The following SGCD variants were observed in gnomAD, a reference collection of about 807,000 sequenced individuals.
The protein encoded by SGCD is delta-sarcoglycan.
Under a neutral mutation model 36.6 loss-of-function variants are expected in SGCD, and 18 were observed. The observed-to-expected ratio is 0.49, with a 90% CI of 0.34 to 0.73. SGCD has a LOEUF of 0.73. Among genes scored for constraint, SGCD ranks in the 30% least tolerant of loss-of-function variants. The probability of loss-of-function intolerance (pLI) is 0.01; values close to 1 mark genes in which losing one functional copy is unlikely to be tolerated. For missense variants in SGCD, 387 were observed against 346.7 expected (o/e 1.12, Z -0.92); for synonymous variants, 133 against 130.6 (o/e 1.02, Z -0.12).
chr5:156,624,545 C>T (rs965353247), intron 6 of SGCD, among the ~76,000 whole-genome samples: 2 of 152,262 alleles, frequency 1.3e-5, no homozygotes, highest in Admixed American at 6.5e-5. Context: ...TGCGCCACTG[C>T]ACTCCAGCCT....
At chr5:156,472,593 T>G (rs1401813896) in intron 3 of SGCD, among the ~76,000 whole-genome samples, 1 of 152,114 alleles carries the variant, frequency 6.6e-6, no homozygotes, top group Non-Finnish European at 1.5e-5. Flanking sequence ...AATTTTTGTA[T>G]TTTTAGCAGA....
intron 3 of SGCD, among the ~76,000 whole-genome samples, chr5:156,380,926 G>A (rs965049003): frequency 6.6e-6 from 1 of 152,208 alleles, no homozygotes; most frequent in Non-Finnish European, 1.5e-5. Flanking sequence ...CAGGCATTGT[G>A]TGCATGGTGG....
At chr5:156,336,803 T>A (rs936166850) in intron 2 of SGCD, among the ~76,000 whole-genome samples, 2 of 152,264 alleles carry the variant, frequency 1.3e-5, no homozygotes, top group Non-Finnish European at 2.9e-5. Context: ...TTGATTCTTT[T>A]AAATATATGC....
At chr5:156,692,860 T>A (rs1178111646) in intron 7 of SGCD, among the ~76,000 whole-genome samples, 2 of 152,220 alleles carry the variant, frequency 1.3e-5, no homozygotes, top group East Asian at 3.8e-4. Flanking sequence ...ATGTACAAGT[T>A]TGTAGACAAA....
At chr5:156,050,616 G>T (rs1475583523) in intron 1 of SGCD, among the ~76,000 whole-genome samples, 1 of 146,366 alleles carries the variant, frequency 6.8e-6, no homozygotes, top group Admixed American at 6.8e-5. Flanking sequence ...TATGGCTGCT[G>T]TGGTAAAGCA....
intron 1 of SGCD, among the ~76,000 whole-genome samples, chr5:155,913,182 C>T (rs147505284): frequency 0.012 from 1,768 of 152,198 alleles, 34 homozygotes; most frequent in African/African-American, 0.039. Context: ...TGAACAGAAA[C>T]AAGGATGGTG....
At chr5:156,217,737 G>A (rs1764610004) in intron 3 of SGCD, among the ~76,000 whole-genome samples, 1 of 151,914 alleles carries the variant, frequency 6.6e-6, no homozygotes, top group African/African-American at 2.4e-5. Flanking sequence ...TAAAAATACA[G>A]ATATTAGTAT....
chr5:155,747,369 T>C, the SGCD span, among the ~76,000 whole-genome samples: 1 of 152,318 alleles, frequency 6.6e-6, no homozygotes, highest in Non-Finnish European at 1.5e-5. Flanking sequence ...CTGGAATTGA[T>C]TGACTTTCAG....
chr5:156,701,368 T>C (rs1754523269), intron 7 of SGCD, among the ~76,000 whole-genome samples: 2 of 152,216 alleles, frequency 1.3e-5, no homozygotes, highest in South Asian at 4.1e-4. Flanking sequence ...TTGAAAATAA[T>C]ATCCAGCATC....
At chr5:156,039,689 A>G (rs1322851015) in intron 1 of SGCD, among the ~76,000 whole-genome samples, 1 of 152,198 alleles carries the variant, frequency 6.6e-6, no homozygotes, top group Non-Finnish European at 1.5e-5. Flanking sequence ...CTCATTTCTC[A>G]TTTCAGCTTT....
At chr5:155,988,725 C>T (rs1758379902) in intron 1 of SGCD, among the ~76,000 whole-genome samples, 1 of 152,068 alleles carries the variant, frequency 6.6e-6, no homozygotes, top group Non-Finnish European at 1.5e-5. Flanking sequence ...AATTATTCAC[C>T]AGGAAAGTTA....
At chr5:156,269,500 A>AAAAC (rs1766107893) in intron 3 of SGCD, among the ~76,000 whole-genome samples, 1 of 85,452 alleles carries the variant, frequency 1.2e-5, no homozygotes, top group African/African-American at 5.6e-5. Flanking sequence ...AAAAAAAAAA[A>AAAAC]AAAAAAAAAA....
intron 3 of SGCD, among the ~76,000 whole-genome samples, chr5:156,405,807 G>A (rs1358305835): frequency 1.3e-5 from 2 of 152,114 alleles, no homozygotes; most frequent in South Asian, 2.1e-4. Context: ...TAGGCCTGGG[G>A]GCAGGACCAC....
At chr5:156,501,127 A>G (rs888529617) in intron 3 of SGCD, among the ~76,000 whole-genome samples, 2 of 152,194 alleles carry the variant, frequency 1.3e-5, no homozygotes, top group African/African-American at 4.8e-5. Flanking sequence ...GGACACTGGC[A>G]GGAAAATGGT....
At chr5:156,182,367 G>C (rs966792265) in intron 3 of SGCD, among the ~76,000 whole-genome samples, 12 of 152,314 alleles carry the variant, frequency 7.9e-5, no homozygotes, top group South Asian at 2.1e-4. Context: ...AAGGTGGGTG[G>C]ATCACTTGAG....
At chr5:155,861,029 C>T in the SGCD span, among the ~76,000 whole-genome samples, 8 of 152,146 alleles carry the variant, frequency 5.3e-5, no homozygotes, top group African/African-American at 1.2e-4. Context: ...TATTGAATAG[C>T]GTGCGTGCAC....
chr5:155,947,135 C>G (rs934873339), intron 1 of SGCD, among the ~76,000 whole-genome samples: 1 of 152,084 alleles, frequency 6.6e-6, no homozygotes, highest in Admixed American at 6.5e-5. Context: ...GATAGATGGG[C>G]AAATGTCTTC....
At chr5:156,065,741 A>C (rs1284180599) in intron 1 of SGCD, among the ~76,000 whole-genome samples, 1 of 4,318 alleles carries the variant, frequency 2.3e-4, no homozygotes, top group African/African-American at 2.0e-3. Context: ...CTGTTTTATC[A>C]GAGACTAGGA....
intron 2 of SGCD, among the ~76,000 whole-genome samples, chr5:156,123,389 G>A (rs147340370): frequency 2.6e-5 from 4 of 152,190 alleles, no homozygotes; most frequent in African/African-American, 7.2e-5. Flanking sequence ...GCCAGTGGTC[G>A]CAGTAAGATT....
Sources: gnomAD v4.1 joint callset for allele counts (sites outside exome capture counted in the v4.1 genomes callset) on GRCh38, gnomAD v4.1.1 for gene constraint, MANE v1.5 for transcripts, NCBI Gene and HGNC (gene_info 2026-07-23, HGNC 2026-07-21) for gene names.